The following RELN variants were observed in gnomAD, a reference collection of about 807,000 sequenced individuals.
The protein encoded by RELN is reelin.
In RELN, 108 loss-of-function variants were observed where a neutral mutation model predicts 427.6. That is an observed-to-expected ratio of 0.25 (90% CI 0.22 to 0.30). The LOEUF (loss-of-function observed/expected upper bound fraction) is 0.30. Ranked by LOEUF, RELN falls within the 10% of genes least tolerant of loss-of-function variation. The probability of loss-of-function intolerance (pLI) is 1.00; values close to 1 mark genes in which losing one functional copy is unlikely to be tolerated. For synonymous variants in RELN, 1,524 were observed against 1,513.4 expected (o/e 1.01, Z -0.16); for missense variants, 3,715 against 4,302.8 (o/e 0.86, Z 3.82).
rs528850175 is a variant in RELN at position 103,605,049 on chromosome 7, T to G, written c.3009-566A>C. Among the ~76,000 whole-genome samples the G allele has an allele frequency of 3.9e-5, 6 of 152,246 alleles. No individual in the cohort carries two copies. The South Asian group carries it at 1.2e-3, about 32-fold the overall frequency. ...TTCACCATGTTGGCCAGGCTGCTCTTGAACTCCTGACCTCAGATAATCCAC... is the reference window on the plus strand; with the variant it reads ...TTCACCATGTTGGCCAGGCTGCTCTGGAACTCCTGACCTCAGATAATCCAC... On this transcript the variant is annotated intron_variant, in intron 22 of 64. Transcript: ENST00000428762.
At position 103,931,515 on chromosome 7, in the gene RELN, T is replaced by C. The variant is rs115279664; in HGVS notation, c.227-14330A>G. ...ACCTATGGCAATGTCTGATCCCTCATTGCATCCCCAACACCACTGAGCATA... is the reference window on the plus strand; with the variant it reads ...ACCTATGGCAATGTCTGATCCCTCACTGCATCCCCAACACCACTGAGCATA... On this transcript the variant is annotated intron_variant, in intron 1 of 64. Transcript: ENST00000428762. Among the ~76,000 whole-genome samples the C allele has an allele frequency of 2.3e-3, 352 of 152,206 alleles. 1 individual carries two copies. Among genetic ancestry groups the C allele is most frequent in the African/African-American group, 8.0e-3 (332 of 41,484 alleles).
intron 6 of RELN, among the ~76,000 whole-genome samples, chr7:103,737,469 G>A (rs960817536): frequency 2.0e-5 from 3 of 152,106 alleles, no homozygotes; most frequent in Non-Finnish European, 4.4e-5. Flanking sequence ...TATTATTTAT[G>A]GCATGGGGGT....
intron 1 of RELN, among the ~76,000 whole-genome samples, chr7:103,928,836 C>T (rs1035213467): frequency 1.9e-5 from 2 of 105,592 alleles, no homozygotes; most frequent in African/African-American, 8.9e-5. Context: ...CACTAAAGAG[C>T]AATCACAGCC....
chr7:103,589,347 T>C (rs761506759), intron 28 of RELN, among the ~76,000 whole-genome samples: 5 of 152,238 alleles, frequency 3.3e-5, no homozygotes, highest in Non-Finnish European at 7.3e-5. Context: ...GCAACAGTCT[T>C]TAGTATATCT....
intron 11 of RELN, among the ~76,000 whole-genome samples, chr7:103,665,383 A>T (rs945963333): frequency 6.7e-5 from 10 of 149,938 alleles, no homozygotes; most frequent in South Asian, 2.1e-4. Context: ...TATATATATA[A>T]AATCTGTATA....
At chr7:103,572,332 C>A in intron 30 of RELN, 72 bp from the exon 31 acceptor site, 2 of 849,982 alleles carry the variant, frequency 2.4e-6, no homozygotes, top group Non-Finnish European at 4.0e-6. Flanking sequence ...CGTTTTGACA[C>A]ATTAGAAAAA....
intron 3 of RELN, among the ~76,000 whole-genome samples, chr7:103,828,226 A>C (rs1349583201): frequency 6.6e-6 from 1 of 152,036 alleles, no homozygotes; most frequent in Non-Finnish European, 1.5e-5. Context: ...CAGCACTTCA[A>C]ATCTCTGCAT....
At chr7:103,565,203 G>T in intron 34 of RELN, 75 bp downstream of exon 34, 1 of 1,516,488 alleles carries the variant, frequency 6.6e-7, no homozygotes, top group Non-Finnish European at 9.2e-7. Flanking sequence ...GAATCCCCAG[G>T]CCGAATCACA....
intron 4 of RELN, among the ~76,000 whole-genome samples, chr7:103,753,606 A>G (rs779291637): frequency 1.3e-5 from 2 of 152,240 alleles, no homozygotes; most frequent in Non-Finnish European, 2.9e-5. Flanking sequence ...CTGAAGCTTC[A>G]AGGAAAACAA....
At chr7:103,986,190 C>G (rs902197693) in intron 1 of RELN, among the ~76,000 whole-genome samples, 8 of 152,176 alleles carry the variant, frequency 5.3e-5, no homozygotes, top group Middle Eastern at 3.4e-3. Flanking sequence ...AATGCCCTTT[C>G]AAAAGAGTCA....
intron 1 of RELN, among the ~76,000 whole-genome samples, chr7:103,945,841 T>C (rs1055332483): frequency 6.6e-6 from 1 of 152,170 alleles, no homozygotes; most frequent in African/African-American, 2.4e-5. Context: ...TATGTTACCA[T>C]TGCCTCTGGT....
At chr7:103,734,266 C>T (rs1390512928) in intron 6 of RELN, among the ~76,000 whole-genome samples, 1 of 152,124 alleles carries the variant, frequency 6.6e-6, no homozygotes, top group African/African-American at 2.4e-5. Context: ...AAACAGACTT[C>T]TGTTGTTCAA....
chr7:103,976,549 G>A (rs964852554), intron 1 of RELN, among the ~76,000 whole-genome samples: 1 of 152,162 alleles, frequency 6.6e-6, no homozygotes, highest in Non-Finnish European at 1.5e-5. Context: ...AAGATTTTGA[G>A]ATGAAACAAT....
intron 10 of RELN, among the ~76,000 whole-genome samples, chr7:103,692,141 C>T (rs955884891): frequency 1.2e-4 from 18 of 152,242 alleles, no homozygotes; most frequent in African/African-American, 4.1e-4. Context: ...AAACTAGACC[C>T]TCTTGATATT....
At chr7:103,846,414 A>G (rs1442843304) in intron 2 of RELN, among the ~76,000 whole-genome samples, 1 of 152,244 alleles carries the variant, frequency 6.6e-6, no homozygotes, top group Non-Finnish European at 1.5e-5. Context: ...TACACTTTAT[A>G]CAAAAATTAA....
At chr7:103,616,360 T>C (rs1832078961) in intron 20 of RELN, among the ~76,000 whole-genome samples, 1 of 152,208 alleles carries the variant, frequency 6.6e-6, no homozygotes, top group Admixed American at 6.6e-5. Context: ...ATTGGTTATG[T>C]TCTTGTAATC....
chr7:103,501,656 A>C (rs534772497), intron 52 of RELN, among the ~76,000 whole-genome samples: 1 of 152,212 alleles, frequency 6.6e-6, no homozygotes, highest in Non-Finnish European at 1.5e-5. Flanking sequence ...TTACACAACT[A>C]AAAACTCATT....
chr7:103,876,025 G>A (rs1794468916), intron 2 of RELN, among the ~76,000 whole-genome samples: 1 of 152,024 alleles, frequency 6.6e-6, no homozygotes, highest in Non-Finnish European at 1.5e-5. Context: ...CATAAAAACA[G>A]GAATTCCCAA....
chr7:103,586,025 A>G (rs1026462090), intron 28 of RELN, among the ~76,000 whole-genome samples: 5 of 152,166 alleles, frequency 3.3e-5, no homozygotes, highest in Admixed American at 3.3e-4. Flanking sequence ...TGTTGATACG[A>G]TATAAACCCT....
Sources: allele counts gnomAD v4.1 joint callset (sites outside exome capture counted in the v4.1 genomes callset), GRCh38; gene constraint gnomAD v4.1.1; transcripts MANE v1.5; gene names NCBI Gene and HGNC (gene_info 2026-07-23, HGNC 2026-07-21).